The following KIFC3 variants were observed in gnomAD, a reference collection of about 807,000 sequenced individuals.
KIFC3 encodes the protein kinesin-like protein KIFC3.
In KIFC3, 60 loss-of-function variants were observed where a neutral mutation model predicts 101.8. The ratio of observed to expected loss-of-function variants is 0.59; its 90% CI spans 0.48 to 0.73. The LOEUF is 0.73. Ranked by LOEUF, KIFC3 falls within the 30% of genes least tolerant of loss-of-function variation. The pLI, the probability that KIFC3 is intolerant of heterozygous loss-of-function variation, is 0.00. For synonymous variants in KIFC3, 476 were observed against 482.7 expected, an observed-to-expected ratio of 0.99 and a Z score of 0.18; for missense variants, 966 against 1,137.1, an observed-to-expected ratio of 0.85 and a Z score of 2.16.
chr16:57,825,163 A>C (rs781798902), intron 1 of KIFC3, among the ~76,000 whole-genome samples: 11 of 152,142 alleles, frequency 7.2e-5, no homozygotes, highest in Non-Finnish European at 1.5e-4. Flanking sequence ...AACACAGATG[A>C]CCTCTTGAGG....
intron 1 of KIFC3, among the ~76,000 whole-genome samples, chr16:57,815,235 G>A (rs782180831): frequency 6.6e-6 from 1 of 152,122 alleles, no homozygotes; most frequent in Non-Finnish European, 1.5e-5. Context: ...CACAGAGCCC[G>A]GTGGCAAACA....
chr16:57,847,400 G>C (rs555264308), intron 1 of KIFC3, among the ~76,000 whole-genome samples: 15 of 152,110 alleles, frequency 9.9e-5, no homozygotes, highest in African/African-American at 3.6e-4. Context: ...GACCAGCCTG[G>C]GCAACACAGT....
intron 3 of KIFC3, among the ~76,000 whole-genome samples, chr16:57,787,653 T>A (rs1555618365): frequency 6.6e-6 from 1 of 152,196 alleles, no homozygotes. Context: ...TAACCCTTGC[T>A]GTTCCCTGGG....
intron 1 of KIFC3, among the ~76,000 whole-genome samples, chr16:57,862,271 G>A (rs1021248858): frequency 1.7e-4 from 25 of 143,898 alleles, no homozygotes; most frequent in South Asian, 4.6e-4. Context: ...TGATCCTCCC[G>A]CCTCAGCCTC....
intron 1 of KIFC3, chr16:57,813,696 C>T: frequency 1.0e-6 from 1 of 985,060 alleles, no homozygotes; most frequent in South Asian, 4.7e-5. Flanking sequence ...GTGTGTCCAG[C>T]ACCTCCCTGC....
intron 1 of KIFC3, among the ~76,000 whole-genome samples, chr16:57,844,025 T>C (rs930349712): frequency 2.6e-5 from 4 of 151,628 alleles, no homozygotes; most frequent in Admixed American, 2.6e-4. Context: ...GGAGAATTGC[T>C]TGAACTTGAG....
chr16:57,856,485 AAGGGAGGG>A (rs201470112), intron 1 of KIFC3, among the ~76,000 whole-genome samples: 4 of 133,432 alleles, frequency 3.0e-5, no homozygotes, highest in Non-Finnish European at 6.4e-5. Context: ...GGAAGGAAAG[AAGGGAGGG>A]AGGGAGGGAG....
In KIFC3 at chr16:57,821,446, C is replaced by G. The variant is rs1555629902; in HGVS notation, c.109-23164G>C. ...ACAGCTACCACCACAGAGACCAGAA[C>G]AGGGAAGAGTTTATTAGTCCATCTT... is the stretch of plus-strand genomic sequence containing the variant. On this transcript the variant is annotated intron_variant, in intron 1 of 2. Transcript: ENST00000563028. 2.6e-5 allele frequency among the ~76,000 whole-genome samples: 4 copies of G among 152,148 alleles called. 1 individual carries two copies. The highest frequency in any genetic ancestry group is 5.9e-5 in the Non-Finnish European group (4 of 68,024).
intron 1 of KIFC3, among the ~76,000 whole-genome samples, chr16:57,834,792 C>T (rs191354677): frequency 6.6e-6 from 1 of 152,336 alleles, no homozygotes; most frequent in Non-Finnish European, 1.5e-5. Flanking sequence ...GTTGGGATTA[C>T]AGGCATGAGC....
intron 3 of KIFC3, among the ~76,000 whole-genome samples, chr16:57,778,935 T>A (rs910075945): frequency 4.6e-5 from 7 of 152,046 alleles, no homozygotes; most frequent in Non-Finnish European, 8.8e-5. Context: ...GAAAAACAAG[T>A]GCTGATAAGG....
At chr16:57,840,689 G>A (rs903075173) in intron 1 of KIFC3, among the ~76,000 whole-genome samples, 1 of 151,742 alleles carries the variant, frequency 6.6e-6, no homozygotes, top group African/African-American at 2.4e-5. Flanking sequence ...GAACCCAGGA[G>A]GCAGAGGTTG....
chr16:57,808,819 A>T (rs1555627404), intron 1 of KIFC3, among the ~76,000 whole-genome samples: 1 of 152,216 alleles, frequency 6.6e-6, no homozygotes, highest in Non-Finnish European at 1.5e-5. Flanking sequence ...CCTCCTGTGA[A>T]AATGAGAGTA....
chr16:57,808,030 G>C (rs1456353201), upstream of KIFC3: 4 of 149,734 alleles, frequency 2.7e-5, no homozygotes, highest in Non-Finnish European at 1.5e-5. Flanking sequence ...CTGCCTTTCT[G>C]CATTGGCCAA....
chr16:57,837,161 A>T (rs1004517122), intron 1 of KIFC3, among the ~76,000 whole-genome samples: 2 of 152,150 alleles, frequency 1.3e-5, no homozygotes, highest in Admixed American at 6.6e-5. Flanking sequence ...AGAGAAAAAC[A>T]TTACATCACT....
At chr16:57,829,075 T>C (rs2055521730) in intron 1 of KIFC3, among the ~76,000 whole-genome samples, 1 of 152,088 alleles carries the variant, frequency 6.6e-6, no homozygotes, top group African/African-American at 2.4e-5. Flanking sequence ...CCATAATACT[T>C]TTAAGGACCC....
At chr16:57,802,874 G>T, upstream of KIFC3, 1 of 1,209,626 alleles carries the variant, frequency 8.3e-7, no homozygotes. This position sits in a 1 kb window ranked among gnomAD's most constrained non-coding sequence, Gnocchi z 5.0. Context: ...AAACTTCCAC[G>T]CGAGTACTCA....
chr16:57,764,446 G>A (rs1706072598), intron 11 of KIFC3, 199 bp from the exon 12 acceptor site: 1 of 566,722 alleles, frequency 1.8e-6, no homozygotes, highest in Non-Finnish European at 3.2e-6. Context: ...GCCGCCCAAA[G>A]ACTGCAGGGA....
chr16:57,856,587 T>G lies in KIFC3; in HGVS notation c.108+6142A>C, dbSNP rs139462705. Among the ~76,000 whole-genome samples, 337 of 151,098 alleles carry G rather than the reference T, an allele frequency of 2.2e-3. 2 individuals carry two copies. Among genetic ancestry groups the G allele is most frequent in the African/African-American group, 7.9e-3 (326 of 41,208 alleles). ...AAAGAAAAGAAAAGTGTAAAAAGAATAGAGAAAAACCAATAAACCCAAAAG... is the reference window on the plus strand; with the variant it reads ...AAAGAAAAGAAAAGTGTAAAAAGAAGAGAGAAAAACCAATAAACCCAAAAG... On this transcript the variant is annotated intron_variant, in intron 1 of 2. Coordinates refer to the KIFC3 transcript ENST00000563028.
chr16:57,784,861 T>A (rs2053154765), intron 3 of KIFC3, among the ~76,000 whole-genome samples: 1 of 151,914 alleles, frequency 6.6e-6, no homozygotes, highest in African/African-American at 2.4e-5. Context: ...CCATGGGACG[T>A]GCAGCTCATG....
Sources: allele counts gnomAD v4.1 joint callset (sites outside exome capture counted in the v4.1 genomes callset), GRCh38; gene constraint gnomAD v4.1.1; non-coding constraint Gnocchi (gnomAD v3.1); transcripts MANE v1.5; gene names NCBI Gene and HGNC (gene_info 2026-07-23, HGNC 2026-07-21).